Variants in RBFOX1 observed in about 807,000 individuals in gnomAD.
RBFOX1 encodes RNA binding protein fox-1 homolog 1.
A neutral mutation model predicts 57.7 loss-of-function variants in RBFOX1; 8 were observed. That is an observed-to-expected ratio of 0.14 (90% CI 0.08 to 0.25). The LOEUF (loss-of-function observed/expected upper bound fraction) is 0.25. RBFOX1 is among the 10% of genes least tolerant of loss of function. The pLI, the probability that RBFOX1 is intolerant of heterozygous loss-of-function variation, is 1.00. For synonymous variants in RBFOX1, 326 were observed against 222.4 expected (o/e 1.47, Z -4.15); for missense variants, 611 against 548.5 (o/e 1.11, Z -1.14).
intron 5 of RBFOX1, among the ~76,000 whole-genome samples, chr16:7,546,328 A>AAAAAT (rs59260994): frequency 0.016 from 2,386 of 148,562 alleles, 63 homozygotes; most frequent in African/African-American, 0.056. Context: ...CTCCACCTCA[A>AAAAAT]AAAATAAAAT....
chr16:6,586,448 A>T (rs185261755), intron 2 of RBFOX1, among the ~76,000 whole-genome samples: 44 of 152,314 alleles, frequency 2.9e-4, no homozygotes, highest in South Asian at 4.1e-4. Flanking sequence ...TCTTTCTGTT[A>T]ATCAGAGATC....
In RBFOX1 at chr16:7,188,377, G is replaced by A. The variant is rs181139034; in HGVS notation, c.27+136279G>A. Among the ~76,000 whole-genome samples, 8 of 152,286 alleles carry A rather than the reference G, an allele frequency of 5.3e-5. No homozygotes were observed. In the South Asian group the frequency reaches 6.2e-4, roughly 12 times the overall value. ...AATGTTCTGATATTTTCTGAATGGG[G>A]TTTTATGAAAAACCTAGAGTTAAAA... is the stretch of plus-strand genomic sequence containing the variant. On this transcript the variant is annotated intron_variant, in intron 4 of 15. Coordinates refer to ENST00000550418, the MANE Select transcript of RBFOX1 (RefSeq NM_018723.4).
At chr16:7,067,479 A>G (rs565500885) in intron 4 of RBFOX1, among the ~76,000 whole-genome samples, 1 of 151,446 alleles carries the variant, frequency 6.6e-6, no homozygotes, top group Non-Finnish European at 1.5e-5. Flanking sequence ...GATTGCAGTC[A>G]GAGTCCAATT....
chr16:5,933,944 C>A (rs542857166), intron 4 of RBFOX1, among the ~76,000 whole-genome samples: 1 of 152,220 alleles, frequency 6.6e-6, no homozygotes, highest in African/African-American at 2.4e-5. Context: ...TCTCCCTCCT[C>A]CCACCCTCCA....
intron 2 of RBFOX1, among the ~76,000 whole-genome samples, chr16:6,580,047 C>T (rs1302691369): frequency 6.6e-6 from 1 of 152,092 alleles, no homozygotes; most frequent in Non-Finnish European, 1.5e-5. Flanking sequence ...CAACTTCTGC[C>T]TCCCGGGTTC....
intron 3 of RBFOX1, among the ~76,000 whole-genome samples, chr16:6,801,865 C>T (rs1377176950): frequency 6.6e-6 from 1 of 152,060 alleles, no homozygotes; most frequent in Non-Finnish European, 1.5e-5. Flanking sequence ...CATCTGAAGA[C>T]CTAAGTGGTT....
chr16:6,695,594 C>G (rs912886400), intron 3 of RBFOX1, among the ~76,000 whole-genome samples: 1 of 151,752 alleles, frequency 6.6e-6, no homozygotes, highest in African/African-American at 2.4e-5. Flanking sequence ...ATGATGAGCA[C>G]TCTCAATATA....
intron 4 of RBFOX1, among the ~76,000 whole-genome samples, chr16:7,259,499 C>T (rs1440974048): frequency 1.3e-5 from 2 of 151,574 alleles, no homozygotes; most frequent in Non-Finnish European, 2.9e-5. Context: ...ACAAATACTG[C>T]TTTGAACACT....
At chr16:6,308,235 C>T (rs993283190) in intron 1 of RBFOX1, among the ~76,000 whole-genome samples, 4 of 152,060 alleles carry the variant, frequency 2.6e-5, no homozygotes, top group Non-Finnish European at 4.4e-5. Context: ...TTTGCACATC[C>T]TATAAATGAT....
At chr16:5,785,663 G>C (rs2054475013) in intron 3 of RBFOX1, among the ~76,000 whole-genome samples, 2 of 152,046 alleles carry the variant, frequency 1.3e-5, no homozygotes, top group African/African-American at 4.8e-5. Context: ...GAGTAGCTGG[G>C]ATTACAGGCA....
chr16:6,372,353 G>A (rs370453798), intron 2 of RBFOX1, among the ~76,000 whole-genome samples: 6 of 151,250 alleles, frequency 4.0e-5, no homozygotes, highest in East Asian at 2.0e-4. Flanking sequence ...AAGTATAGTC[G>A]GATGGAAGGA....
chr16:6,990,283 G>C (rs1220932120), intron 3 of RBFOX1, among the ~76,000 whole-genome samples: 1 of 152,072 alleles, frequency 6.6e-6, no homozygotes, highest in East Asian at 2.0e-4. Flanking sequence ...CCAGTACTTT[G>C]GGAGGCCGAG....
At chr16:7,245,015 A>C (rs35842576) in intron 4 of RBFOX1, among the ~76,000 whole-genome samples, 9,990 of 152,272 alleles carry the variant, frequency 0.066, 437 homozygotes, top group East Asian at 0.19. Flanking sequence ...CCTCAGCTGC[A>C]TACCATTTTC....
At chr16:7,196,405 C>A (rs1285359934) in intron 4 of RBFOX1, among the ~76,000 whole-genome samples, 1 of 152,190 alleles carries the variant, frequency 6.6e-6, no homozygotes, top group Non-Finnish European at 1.5e-5. Flanking sequence ...ACTTGCTTAG[C>A]AGCACAAAAT....
At chr16:5,465,607 A>G (rs74807094) in intron 1 of RBFOX1, among the ~76,000 whole-genome samples, 1 of 152,142 alleles carries the variant, frequency 6.6e-6, no homozygotes. Context: ...ACTCCTCTTC[A>G]TGCAGCTGAG....
At chr16:7,144,990 A>T (rs1246361557) in intron 4 of RBFOX1, among the ~76,000 whole-genome samples, 3 of 152,110 alleles carry the variant, frequency 2.0e-5, no homozygotes, top group Non-Finnish European at 4.4e-5. Context: ...AGAATTCTGA[A>T]ACAGGTCAGC....
chr16:7,358,533 G>C (rs766236820), intron 4 of RBFOX1, among the ~76,000 whole-genome samples: 1 of 151,922 alleles, frequency 6.6e-6, no homozygotes, highest in Non-Finnish European at 1.5e-5. Context: ...CAATTCTCTT[G>C]CCTCAGCCTC....
At chr16:5,943,661 G>A (rs1216151589) in intron 4 of RBFOX1, among the ~76,000 whole-genome samples, 1 of 152,128 alleles carries the variant, frequency 6.6e-6, no homozygotes, top group African/African-American at 2.4e-5. Context: ...AGCTAATGAG[G>A]TATCCCCAGA....
Position 6,863,916 on chromosome 16 carries a change from T to C in RBFOX1, c.-15-188141T>C, listed in dbSNP as rs981822948. 4.0e-5 allele frequency among the ~76,000 whole-genome samples: 6 copies of C among 151,866 alleles called. No individual in the cohort carries two copies. The East Asian group carries it at 1.2e-3, about 29-fold the overall frequency. ...AGTTACCAATCCATTGCCATTTGTT[T>C]CCTTCACACTTTGTGCTCCCTCCTT... On this transcript the variant is annotated intron_variant, in intron 3 of 15. Coordinates refer to ENST00000550418, the MANE Select transcript of RBFOX1 (RefSeq NM_018723.4).
Sources: gnomAD v4.1 joint callset for allele counts (sites outside exome capture counted in the v4.1 genomes callset) on GRCh38, gnomAD v4.1.1 for gene constraint, MANE v1.5 for transcripts, NCBI Gene and HGNC (gene_info 2026-07-23, HGNC 2026-07-21) for gene names.